Variants in DKC1 observed in about 807,000 individuals in gnomAD.
The protein encoded by DKC1 is dyskerin pseudouridine synthase 1, also known as H/ACA ribonucleoprotein complex subunit DKC1.
A neutral mutation model predicts 46.7 loss-of-function variants in DKC1; 4 were observed. The ratio of observed to expected loss-of-function variants is 0.09; its 90% CI spans 0.04 to 0.20. The LOEUF is 0.20. Ranked by LOEUF, DKC1 falls within the 10% of genes least tolerant of loss-of-function variation. The pLI, the probability that DKC1 is intolerant of heterozygous loss-of-function variation, is 1.00. For missense variants in DKC1, 171 were observed against 404.2 expected (o/e 0.42, Z 4.95); for synonymous variants, 141 against 142.4 (o/e 0.99, Z 0.07).
chrX:154,771,485 AT>A (rs58087354), intron 10 of DKC1, among the ~76,000 whole-genome samples: 2,086 of 95,639 alleles, frequency 0.022, 41 homozygotes, highest in African/African-American at 0.064. Context: ...GCCGGGCCTG[AT>A]TTTTTTTTTT....
chrX:154,775,444 C>T (rs1277896652), intron 13 of DKC1, 171 bp downstream of exon 13: 6 of 513,688 alleles, frequency 1.2e-5, no homozygotes, highest in Non-Finnish European at 2.1e-5. Context: ...CTTGTTTGGG[C>T]TCTGCAGGCT....
At chrX:154,774,766 C>G in intron 12 of DKC1, 61 bp downstream of exon 12, 1 of 984,690 alleles carries the variant, frequency 1.0e-6, no homozygotes. Flanking sequence ...TGCCTTGATG[C>G]AGGAGTATGT....
Position 154,776,830 on chromosome X carries a change from A to G in DKC1, c.1508A>G (p.Lys503Arg). 8.3e-7 allele frequency: 1 copy of G among 1,208,991 alleles called. No individual in the cohort carries two copies. The highest frequency in any genetic ancestry group is 1.1e-6 in the Non-Finnish European group (1 of 893,815). The change falls in exon 15 of 15, where the codon AAG becomes AGG. Residue 503 changes from lysine to arginine, a missense_variant. Coordinates refer to ENST00000369550, the MANE Select transcript of DKC1 (RefSeq NM_001363.5). ...DSDTTKKKKK[K>R]KKAKEVELVS... The stretch of plus-strand genomic sequence containing the variant: ...GATACCACCAAGAAGAAGAAGAAGA[A>G]GAAGAAAGCAAAAGAGGTAGAATTG...
At chrX:154,773,053 C>T (rs1557265097) in intron 10 of DKC1, 78 bp from the exon 11 acceptor site, 1 of 716,067 alleles carries the variant, frequency 1.4e-6, no homozygotes, top group African/African-American at 2.1e-5. Flanking sequence ...AAGTGGCATA[C>T]AACAGTAGAA....
At chrX:154,767,176 G>T in intron 6 of DKC1, 80 bp from the exon 7 acceptor site, 1 of 1,196,847 alleles carries the variant, frequency 8.4e-7, no homozygotes, top group South Asian at 1.8e-5. Context: ...TTTTCAGTCG[G>T]CTGCTGCAGC....
At chrX:154,773,728 G>A (rs1303481454) in intron 11 of DKC1, among the ~76,000 whole-genome samples, 2 of 112,147 alleles carry the variant, frequency 1.8e-5, no homozygotes, top group Admixed American at 9.3e-5. Context: ...GCAACCATCC[G>A]ATTTCTCAAT....
chrX:154,768,776 G>A (rs888054092), intron 8 of DKC1: 3 of 310,633 alleles, frequency 9.7e-6, no homozygotes, highest in African/African-American at 5.5e-5. Flanking sequence ...ATGAGGTCAG[G>A]AGATCGAGAC....
chrX:154,774,489 T>C, intron 11 of DKC1, 113 bp from the exon 12 acceptor site: 1 of 637,757 alleles, frequency 1.6e-6, no homozygotes, highest in Non-Finnish European at 2.6e-6. Flanking sequence ...GAGAGGAGTT[T>C]GAGGCCCTGC....
At position 154,767,934 on chromosome X, in the gene DKC1, T is replaced by C. The variant is rs1017718712; in HGVS notation, c.641-368T>C. ...GGCATGATCTCGGCTCACTGCAAAC[T>C]CTGTCTCCCGGGTTCACACCATTTT... On this transcript the variant is annotated intron_variant, in intron 7 of 14. Coordinates refer to ENST00000369550, the MANE Select transcript of DKC1 (RefSeq NM_001363.5). The C allele has an allele frequency of 2.8e-5, 6 of 216,199 alleles. No individual in the cohort carries two copies. In the East Asian group the frequency reaches 7.5e-4, roughly 27 times the overall value. 17.8% of individuals were successfully genotyped at this position (216,199 alleles called of 1,213,427 possible).
chrX:154,772,788 G>A (rs1195701327), intron 10 of DKC1, among the ~76,000 whole-genome samples: 2 of 112,267 alleles, frequency 1.8e-5, no homozygotes, highest in African/African-American at 6.5e-5. Flanking sequence ...CTTATGGACA[G>A]CAGCAGAAAA....
chrX:154,775,366 C>G, intron 13 of DKC1, 93 bp downstream of exon 13: 7 of 859,835 alleles, frequency 8.1e-6, no homozygotes, highest in Non-Finnish European at 1.2e-5. Flanking sequence ...TGTCCGCAGT[C>G]CAGCCATATA....
intron 10 of DKC1, 50 bp downstream of exon 10, chrX:154,770,929 C>T (rs372283965): frequency 4.3e-6 from 5 of 1,152,765 alleles, no homozygotes; most frequent in Non-Finnish European, 5.9e-6. Context: ...TGGTTACATA[C>T]TAGGTGTATA....
intron 12 of DKC1, 59 bp downstream of exon 12, chrX:154,774,764 T>TG (rs1557265451): frequency 2.4e-5 from 24 of 983,759 alleles, no homozygotes; most frequent in Admixed American, 4.6e-5. Context: ...GCTGCCTTGA[T>TG]GCAGGAGTAT....
chrX:154,764,999 T>C lies in DKC1; in HGVS notation c.84+33T>C, dbSNP rs782259079. ...GTAATGTGTTTGACTTCACTTTGAC[T>C]AAAAAGAAAGTTTACTTAAATAACA... On this transcript the variant is annotated intron_variant, in intron 2 of 14. Coordinates refer to ENST00000369550, the MANE Select transcript of DKC1 (RefSeq NM_001363.5). 4.5e-6 allele frequency: 5 copies of C among 1,109,672 alleles called. No individual in the cohort carries two copies. In the East Asian group the frequency reaches 1.5e-4, roughly 33 times the overall value. The allele number at this position is 1,109,672 out of a possible 1,213,427, so 91.4% of individuals were successfully genotyped here.
chrX:154,773,281 GTTCT>G (rs1324340100), intron 11 of DKC1, 32 bp downstream of exon 11: 6 of 628,518 alleles, frequency 9.5e-6, no homozygotes, highest in Non-Finnish European at 1.4e-5. Flanking sequence ...GCCCTGCCAG[GTTCT>G]TTTTTTTTTT....
intron 9 of DKC1, among the ~76,000 whole-genome samples, 194 bp from the exon 10 acceptor site, chrX:154,770,565 G>A (rs928446931): frequency 3.6e-5 from 4 of 109,892 alleles, no homozygotes; most frequent in Non-Finnish European, 7.6e-5. Flanking sequence ...TGTAATGTGC[G>A]GAGAGTGGTA....
At chrX:154,763,263 C>T (rs1250050920) in intron 1 of DKC1, among the ~76,000 whole-genome samples, 2 of 112,588 alleles carry the variant, frequency 1.8e-5, no homozygotes, top group Non-Finnish European at 3.8e-5. Context: ...CTGCCCACCC[C>T]GCGGTGGCGT....
In DKC1 at chrX:154,776,319, G is replaced by A. The variant is rs782598355; in HGVS notation, c.1471G>A (p.Asp491Asn). 5.8e-5 allele frequency: 69 copies of A among 1,188,376 alleles called. No homozygotes were observed. Among genetic ancestry groups the A allele is most frequent in the Non-Finnish European group, 7.6e-5 (67 of 883,847 alleles). The change falls in exon 14 of 15, where the codon GAT (aspartate) becomes AAT (asparagine). Residue 491 changes from aspartate to asparagine, a missense_variant. This residue lies in a region of DKC1 where 54 missense variants were observed against 64.4 expected (regional missense o/e 0.84). Transcript: ENST00000369550. ...TCTGGAGAGCGGGGCCGAGCCTGGA[G>A]ATGGGGTGTGTGGAAACACGTTCAG... ...AGLESGAEPG[D>N]GDSDTTKKKK...
In DKC1 at chrX:154,777,122, G is replaced by T. The variant is rs1316637138; in HGVS notation, c.*255G>T. 2 of 304,658 alleles carry T rather than the reference G, an allele frequency of 6.6e-6. No individual in the cohort carries two copies. Among genetic ancestry groups the T allele is most frequent in the Admixed American group, 1.0e-4 (2 of 20,003 alleles). 25.1% of individuals were successfully genotyped at this position (304,658 alleles called of 1,213,427 possible). ...ATGACTTCTCTGTTTGAGTTGGGAAGCCTCACCTTCAGACCCAGTAACTGT... is the reference window on the plus strand; with the variant it reads ...ATGACTTCTCTGTTTGAGTTGGGAATCCTCACCTTCAGACCCAGTAACTGT... On this transcript the variant is annotated 3_prime_UTR_variant, in exon 15 of 15. Coordinates refer to ENST00000369550, the MANE Select transcript of DKC1 (RefSeq NM_001363.5).
Sources: gnomAD v4.1 joint callset for allele counts (sites outside exome capture counted in the v4.1 genomes callset) on GRCh38, gnomAD v4.1.1 for gene constraint, gnomAD v4.1.1 regional missense constraint, MANE v1.5 for transcripts, NCBI Gene and HGNC (gene_info 2026-07-23, HGNC 2026-07-21) for gene names.